Variants in EIF3H observed in about 807,000 individuals in gnomAD.
EIF3H encodes eIF-3-gamma.
EIF3H carries 26 observed loss-of-function variants against 44.2 expected under a neutral mutation model. The ratio of observed to expected loss-of-function variants is 0.59; its 90% CI spans 0.43 to 0.82. The LOEUF is 0.82. Ranked by LOEUF, EIF3H falls within the 40% of genes least tolerant of loss-of-function variation. The probability of loss-of-function intolerance (pLI) is 0.00; values close to 1 mark genes in which losing one functional copy is unlikely to be tolerated. For missense variants in EIF3H, 359 were observed against 432.8 expected (o/e 0.83, Z 1.51); for synonymous variants, 166 against 151.9 (o/e 1.09, Z -0.68).
intron 7 of EIF3H, among the ~76,000 whole-genome samples, chr8:116,645,975 C>A (rs1373447377): frequency 3.3e-5 from 5 of 152,186 alleles, no homozygotes; most frequent in Non-Finnish European, 7.3e-5. Flanking sequence ...TAGTACAGGA[C>A]ACAGGACCTC....
intron 2 of EIF3H, among the ~76,000 whole-genome samples, chr8:116,680,293 C>T (rs1316290725): frequency 4.4e-4 from 20 of 45,098 alleles, no homozygotes; most frequent in Non-Finnish European, 7.5e-4. Flanking sequence ...GTGAGGAGCC[C>T]CTCTGCCCGG....
chr8:116,727,445 C>T (rs539921234), intron 1 of EIF3H, among the ~76,000 whole-genome samples: 4 of 152,316 alleles, frequency 2.6e-5, no homozygotes, highest in African/African-American at 4.8e-5. Flanking sequence ...CCTCTGATGA[C>T]GCCAGAGATA....
At chr8:116,745,937 A>AT (rs916474280) in intron 1 of EIF3H, among the ~76,000 whole-genome samples, 4 of 151,916 alleles carry the variant, frequency 2.6e-5, no homozygotes, top group Non-Finnish European at 4.4e-5. Flanking sequence ...AAAAAAAAAA[A>AT]GGAAAAGTCA....
At chr8:116,745,594 AG>A (rs1266499383) in intron 1 of EIF3H, among the ~76,000 whole-genome samples, 2 of 152,220 alleles carry the variant, frequency 1.3e-5, no homozygotes, top group African/African-American at 4.8e-5. Flanking sequence ...CCAATGGCCC[AG>A]GATGTTTGCA....
intron 1 of EIF3H, among the ~76,000 whole-genome samples, chr8:116,737,015 G>A (rs1233011964): frequency 1.3e-5 from 2 of 152,100 alleles, no homozygotes; most frequent in Non-Finnish European, 2.9e-5. Context: ...TTAGACAACA[G>A]ATAATTTGTT....
intron 1 of EIF3H, among the ~76,000 whole-genome samples, chr8:116,744,298 G>A (rs922705455): frequency 6.6e-6 from 1 of 151,436 alleles, no homozygotes; most frequent in Non-Finnish European, 1.5e-5. Flanking sequence ...CTATTTTGGA[G>A]GCAAAGAAAA....
In EIF3H at chr8:116,645,081, C is replaced by T. The variant is rs766235038; in HGVS notation, c.984G>A (p.Gln328=). The T allele has an allele frequency of 1.2e-6, 2 of 1,614,042 alleles. No homozygotes were observed. The highest frequency in any genetic ancestry group is 1.7e-6 in the Non-Finnish European group (2 of 1,179,948). ...TTTGGGCAGTGAACTCCTTGATGTT[C>T]TGGCAGTAAGTGTTTATCTGGCCTG... is the stretch of plus-strand genomic sequence containing the variant. ...LIAGQINTYC[Q]NIKEFTAQNL... Residue 328 remains glutamine (Q), a synonymous_variant, in exon 8 of 8, where the codon CAG becomes CAA. Coordinates refer to ENST00000521861, the MANE Select transcript of EIF3H (RefSeq NM_003756.3).
At chr8:116,722,167 CA>C (rs1348348111) in intron 2 of EIF3H, among the ~76,000 whole-genome samples, 3 of 152,142 alleles carry the variant, frequency 2.0e-5, no homozygotes, top group African/African-American at 7.2e-5. Flanking sequence ...CAGTTGCCCC[CA>C]TACTGTTCTT....
intron 1 of EIF3H, among the ~76,000 whole-genome samples, chr8:116,747,970 G>A (rs1314001659): frequency 4.6e-5 from 7 of 152,116 alleles, no homozygotes; most frequent in Admixed American, 4.6e-4. Context: ...AATTAGCCAG[G>A]CGTGGTGGCG....
At chr8:116,745,511 C>A (rs778853830) in intron 1 of EIF3H, among the ~76,000 whole-genome samples, 1 of 152,304 alleles carries the variant, frequency 6.6e-6, no homozygotes, top group South Asian at 2.1e-4. Context: ...ATATATGTCA[C>A]GAACACAGTA....
chr8:116,660,985 A>G (rs1813577456), intron 2 of EIF3H, among the ~76,000 whole-genome samples: 2 of 152,172 alleles, frequency 1.3e-5, no homozygotes, highest in African/African-American at 4.8e-5. Flanking sequence ...TACACCAATT[A>G]TTTTTTATCT....
chr8:116,673,301 A>G (rs756242473), intron 2 of EIF3H, among the ~76,000 whole-genome samples: 18 of 152,222 alleles, frequency 1.2e-4, no homozygotes, highest in East Asian at 1.9e-4. Flanking sequence ...TCTAAGAAAC[A>G]CACTATATCT....
Position 116,656,000 on chromosome 8 carries a change from T to A in EIF3H, c.563A>T (p.Lys188Ile). 1 of 1,613,272 alleles carries A rather than the reference T, an allele frequency of 6.2e-7. No individual in the cohort carries two copies. The highest frequency in any genetic ancestry group is 8.5e-7 in the Non-Finnish European group (1 of 1,179,556). ...KEKDFSPEAL[K>I]KANITFEYMF... is the part of the protein sequence containing the mutation. Reference sequence around the variant, plus strand: ...GTACTCAAAGGTGATATTTGCTTTTTTCAATCTGTGAAGCATGTTAAAAAT... The same window carrying A: ...GTACTCAAAGGTGATATTTGCTTTTATCAATCTGTGAAGCATGTTAAAAAT... Residue 188 changes from lysine to isoleucine, a missense_variant, in exon 5 of 8, where the codon AAA becomes ATA. Physicochemically the swap from Lys to Ile is moderately radical, Grantham distance 102. Transcript: ENST00000521861.
intron 2 of EIF3H, among the ~76,000 whole-genome samples, chr8:116,708,731 A>AAT (rs991668497): frequency 1.8e-4 from 27 of 152,098 alleles, no homozygotes; most frequent in African/African-American, 5.8e-4. Flanking sequence ...TAAAACATGA[A>AAT]ATATATATTT....
intron 1 of EIF3H, among the ~76,000 whole-genome samples, chr8:116,733,088 T>TC (rs1446218996): frequency 6.6e-6 from 1 of 152,144 alleles, no homozygotes; most frequent in Non-Finnish European, 1.5e-5. Context: ...CTCCTCAGAT[T>TC]CAGTAATTTG....
intron 4 of EIF3H, 35 bp downstream of exon 4, chr8:116,657,180 A>G: frequency 1.3e-6 from 2 of 1,542,018 alleles, no homozygotes; most frequent in Non-Finnish European, 1.8e-6. Flanking sequence ...ACAGAAAAAT[A>G]CCCAACCCTT....
intron 1 of EIF3H, among the ~76,000 whole-genome samples, chr8:116,762,334 G>T (rs1283689734): frequency 2.6e-5 from 4 of 152,178 alleles, no homozygotes; most frequent in African/African-American, 9.6e-5. Context: ...GAAGTAGAAA[G>T]TCTATGTTTG....
chr8:116,704,582 G>A (rs1814436077), intron 2 of EIF3H, among the ~76,000 whole-genome samples: 1 of 152,178 alleles, frequency 6.6e-6, no homozygotes, highest in Admixed American at 6.5e-5. Flanking sequence ...TTCATGTACA[G>A]TTGTTGTTTT....
Position 116,655,899 on chromosome 8 carries a change from A to C in EIF3H, c.664T>G (p.Ser222Ala), listed in dbSNP as rs1417121863. 1 of 1,613,658 alleles carries C rather than the reference A, an allele frequency of 6.2e-7. No homozygotes were observed. The highest frequency in any genetic ancestry group is 2.2e-5 in the East Asian group (1 of 44,860). Residue 222 changes from serine (S) to alanine (A), a missense_variant, in exon 5 of 8, where the codon TCA becomes GCA. Ser to Ala is a moderately conservative substitution (Grantham distance 99). Transcript: ENST00000521861. ...AATTCATGTTTATCTGCAACAGCTG[A>C]CTTCTTTTCAAGTTCCCACATTAGG... ...NVLMWELEKK[S>A]AVADKHELLS...
Sources: allele counts gnomAD v4.1 joint callset (sites outside exome capture counted in the v4.1 genomes callset), GRCh38; gene constraint gnomAD v4.1.1; transcripts MANE v1.5; gene names NCBI Gene and HGNC (gene_info 2026-07-23, HGNC 2026-07-21).